Variants in LARGE1 observed in about 807,000 individuals in gnomAD.
The protein encoded by LARGE1 is LARGE xylosyl- and glucuronyltransferase 1.
LARGE1 carries 43 observed loss-of-function variants against 87.6 expected under a neutral mutation model. The observed-to-expected ratio is 0.49, with a 90% CI of 0.38 to 0.63. LARGE1 has a LOEUF of 0.63. Ranked by LOEUF, LARGE1 falls within the 30% of genes least tolerant of loss-of-function variation. LARGE1 has a pLI of 0.00. For synonymous variants in LARGE1, 434 were observed against 394.6 expected (o/e 1.10, Z -1.18); for missense variants, 802 against 1,000.2 (o/e 0.80, Z 2.67).
In LARGE1 at chr22:33,307,039, A is replaced by C. The variant is rs74958409; in HGVS notation, c.1452-2532T>G. ...GCTGTTTCTATGCCCTCCAGCCCCAATCTCTCCAATCTTTAGTCCCTTAGA... is the reference window on the plus strand; with the variant it reads ...GCTGTTTCTATGCCCTCCAGCCCCACTCTCTCCAATCTTTAGTCCCTTAGA... On this transcript the variant is annotated intron_variant, in intron 11 of 14. Coordinates refer to ENST00000397394, the MANE Select transcript of LARGE1 (RefSeq NM_133642.5). 8.3e-3 allele frequency among the ~76,000 whole-genome samples: 1,271 copies of C among 152,256 alleles called. 14 individuals carry two copies. Among genetic ancestry groups the C allele is most frequent in the African/African-American group, 0.029 (1,197 of 41,538 alleles).
At chr22:33,438,827 T>C (rs1445922576) in intron 6 of LARGE1, among the ~76,000 whole-genome samples, 1 of 152,224 alleles carries the variant, frequency 6.6e-6, no homozygotes, top group African/African-American at 2.4e-5. Flanking sequence ...GACCAAGGTA[T>C]AGCTTCTCTG....
intron 10 of LARGE1, among the ~76,000 whole-genome samples, chr22:33,331,578 T>C (rs932872671): frequency 5.3e-5 from 8 of 152,108 alleles, no homozygotes; most frequent in African/African-American, 1.9e-4. Context: ...CAGCTACTTT[T>C]TGTACTTTTA....
intron 2 of LARGE1, among the ~76,000 whole-genome samples, chr22:33,727,104 G>T (rs1474503676): frequency 6.6e-6 from 1 of 152,172 alleles, no homozygotes; most frequent in Admixed American, 6.5e-5. Context: ...GGTGACAGGG[G>T]GAAGCCAGGA....
chr22:33,654,315 C>T (rs968327367), intron 2 of LARGE1, among the ~76,000 whole-genome samples: 2 of 152,140 alleles, frequency 1.3e-5, no homozygotes, highest in African/African-American at 4.8e-5. Context: ...TTTTAAAGGT[C>T]CATTATCTTG....
intron 4 of LARGE1, among the ~76,000 whole-genome samples, chr22:33,617,164 CAT>C (rs2079605057): frequency 6.6e-6 from 1 of 152,196 alleles, no homozygotes; most frequent in African/African-American, 2.4e-5. Flanking sequence ...AAGTCCAATT[CAT>C]GGAGACATAA....
intron 11 of LARGE1, among the ~76,000 whole-genome samples, chr22:33,251,981 A>G (rs1248049715): frequency 1.3e-5 from 2 of 152,198 alleles, no homozygotes; most frequent in South Asian, 2.1e-4. Flanking sequence ...TGAAGTCTAA[A>G]TGCATCCCAG....
At chr22:33,576,960 G>A (rs1359575805) in intron 5 of LARGE1, among the ~76,000 whole-genome samples, 1 of 152,110 alleles carries the variant, frequency 6.6e-6, no homozygotes, top group African/African-American at 2.4e-5. Flanking sequence ...AAGTCTTGGT[G>A]GGTTGAACCC....
chr22:33,658,983 C>T (rs944952121), intron 2 of LARGE1, among the ~76,000 whole-genome samples: 3 of 152,212 alleles, frequency 2.0e-5, no homozygotes, highest in African/African-American at 7.2e-5. Context: ...TGTATTCTCT[C>T]AGCAGCTTCC....
At chr22:33,338,658 A>T (rs894251698) in intron 9 of LARGE1, among the ~76,000 whole-genome samples, 6 of 152,242 alleles carry the variant, frequency 3.9e-5, no homozygotes, top group African/African-American at 1.4e-4. Context: ...ATGCCTATAA[A>T]GCATGTAAAT....
intron 3 of LARGE1, among the ~76,000 whole-genome samples, chr22:33,639,330 T>C (rs2149129743): frequency 6.6e-6 from 1 of 152,154 alleles, no homozygotes; most frequent in East Asian, 1.9e-4. Flanking sequence ...AGGGACCCCA[T>C]ACCAGAACCA....
At chr22:33,112,390 G>A in the LARGE1 span, among the ~76,000 whole-genome samples, 1 of 152,184 alleles carries the variant, frequency 6.6e-6, no homozygotes, top group Non-Finnish European at 1.5e-5. Context: ...AGTTTTTAGG[G>A]GATTAAACGA....
intron 10 of LARGE1, among the ~76,000 whole-genome samples, chr22:33,336,896 C>T (rs976528319): frequency 1.3e-5 from 2 of 152,012 alleles, no homozygotes; most frequent in African/African-American, 4.8e-5. Context: ...CCCATCTCTA[C>T]TAAAAATACA....
intron 9 of LARGE1, among the ~76,000 whole-genome samples, chr22:33,366,819 T>G (rs185391501): frequency 4.7e-4 from 72 of 152,238 alleles, no homozygotes; most frequent in African/African-American, 1.2e-3. Flanking sequence ...ACTTTTTTTT[T>G]GTCTGATTTT....
intron 1 of LARGE1, among the ~76,000 whole-genome samples, chr22:33,862,025 A>G (rs1243453778): frequency 6.6e-6 from 1 of 151,512 alleles, no homozygotes; most frequent in Non-Finnish European, 1.5e-5. Context: ...TGCCCGGCTC[A>G]TTTTTTTGTA....
rs115648113 is a variant in LARGE1, at chr22:33,878,462, G to C, written c.-83+41533C>G. Among the ~76,000 whole-genome samples the C allele has an allele frequency of 2.6e-3, 390 of 152,184 alleles. 2 individuals are homozygous for C. Among genetic ancestry groups the C allele is most frequent in the African/African-American group, 9.0e-3 (372 of 41,526 alleles). ...TTGTATTTCTATCTGACAAAATGCT[G>C]TTCTAGCTTATCAAACTGTTTTCCT... is the stretch of plus-strand genomic sequence containing the variant. On this transcript the variant is annotated intron_variant, in intron 1 of 14. Transcript: ENST00000397394.
chr22:33,460,405 G>C (rs1041180678), intron 6 of LARGE1, among the ~76,000 whole-genome samples: 1 of 152,104 alleles, frequency 6.6e-6, no homozygotes, highest in Non-Finnish European at 1.5e-5. Flanking sequence ...AGCTTCCTGG[G>C]TAGTTTGGTG....
intron 2 of LARGE1, among the ~76,000 whole-genome samples, chr22:33,747,277 A>G (rs371589048): frequency 2.0e-5 from 3 of 152,096 alleles, no homozygotes; most frequent in African/African-American, 7.2e-5. Flanking sequence ...GGCCTGTGTG[A>G]CAGGTCCCTG....
the LARGE1 span, among the ~76,000 whole-genome samples, chr22:33,154,018 C>A: frequency 6.6e-6 from 1 of 152,108 alleles, no homozygotes; most frequent in Non-Finnish European, 1.5e-5. Flanking sequence ...TCCTCTTCTG[C>A]CAAGGTCATA....
intron 11 of LARGE1, among the ~76,000 whole-genome samples, chr22:33,259,926 A>T (rs893385385): frequency 6.6e-6 from 1 of 152,170 alleles, no homozygotes; most frequent in Non-Finnish European, 1.5e-5. Flanking sequence ...TGGCCCTCCC[A>T]GGTCTGGCCA....
Sources: gnomAD v4.1 joint callset for allele counts (sites outside exome capture counted in the v4.1 genomes callset) on GRCh38, gnomAD v4.1.1 for gene constraint, MANE v1.5 for transcripts, NCBI Gene and HGNC (gene_info 2026-07-23, HGNC 2026-07-21) for gene names.